Variants in GPC6 observed in about 807,000 individuals in gnomAD.
The protein encoded by GPC6 is glypican 6.
GPC6 carries 14 observed loss-of-function variants against 55.2 expected under a neutral mutation model. The observed-to-expected ratio is 0.25, with a 90% CI of 0.17 to 0.40. GPC6 has a LOEUF of 0.40. Ranked by LOEUF, GPC6 falls within the 10% of genes least tolerant of loss-of-function variation. The pLI is 1.00. For missense variants in GPC6, 641 were observed against 708.5 expected (o/e 0.90, Z 1.08); for synonymous variants, 278 against 259.6 (o/e 1.07, Z -0.68).
chr13:93,846,260 C>T (rs534171771), intron 3 of GPC6, among the ~76,000 whole-genome samples: 1 of 152,242 alleles, frequency 6.6e-6, no homozygotes, highest in African/African-American at 2.4e-5. Flanking sequence ...CAAATGATTA[C>T]TTGCCAGCCA....
chr13:94,218,758 T>C (rs1290459882), intron 4 of GPC6, among the ~76,000 whole-genome samples: 1 of 152,134 alleles, frequency 6.6e-6, no homozygotes, highest in Non-Finnish European at 1.5e-5. Flanking sequence ...TTTACAGCAG[T>C]GGCTCTCAAA....
intron 2 of GPC6, among the ~76,000 whole-genome samples, chr13:93,814,197 T>C (rs905776640): frequency 4.6e-5 from 7 of 152,182 alleles, no homozygotes; most frequent in Non-Finnish European, 8.8e-5. Context: ...TTATTCCTGG[T>C]CCTTCACTTC....
intron 2 of GPC6, among the ~76,000 whole-genome samples, chr13:93,546,370 G>A (rs1361583722): frequency 1.3e-5 from 2 of 152,142 alleles, no homozygotes; most frequent in African/African-American, 4.8e-5. Flanking sequence ...TGTGTAGTAG[G>A]TAAAATGTTC....
chr13:93,980,155 G>A (rs1410462487), intron 3 of GPC6, among the ~76,000 whole-genome samples: 2 of 152,074 alleles, frequency 1.3e-5, no homozygotes, highest in African/African-American at 2.4e-5. Context: ...CAGTCAGCTT[G>A]TGCCTGTACC....
intron 2 of GPC6, among the ~76,000 whole-genome samples, chr13:93,619,290 A>C (rs1382902406): frequency 6.6e-6 from 1 of 152,122 alleles, no homozygotes; most frequent in African/African-American, 2.4e-5. Context: ...ATTTATGAAT[A>C]AGTCAGTCTA....
At position 93,559,195 on chromosome 13, in the gene GPC6, G is replaced by A. The variant is rs552355352; in HGVS notation, c.319+13774G>A. 5.3e-5 allele frequency among the ~76,000 whole-genome samples: 8 copies of A among 152,218 alleles called. No homozygotes were observed. In the East Asian group the frequency reaches 7.7e-4, roughly 15 times the overall value. ...TTAAGTTGATATCTCTCAGAAGGCC[G>A]TGCTGTGTATACCACATCTCAGTAT... On this transcript the variant is annotated intron_variant, in intron 2 of 8. Transcript: ENST00000377047.
chr13:93,480,350 A>T (rs1162637688), intron 1 of GPC6, among the ~76,000 whole-genome samples: 1 of 152,142 alleles, frequency 6.6e-6, no homozygotes, highest in South Asian at 2.1e-4. Flanking sequence ...TCTCTTTTCA[A>T]ACGGTTGAAA....
At chr13:94,244,517 A>G (rs1049913105) in intron 4 of GPC6, among the ~76,000 whole-genome samples, 1 of 152,154 alleles carries the variant, frequency 6.6e-6, no homozygotes, top group Non-Finnish European at 1.5e-5. Flanking sequence ...TAAAATACTA[A>G]CATGTAAAAT....
At chr13:93,863,710 C>G (rs1888880963) in intron 3 of GPC6, among the ~76,000 whole-genome samples, 1 of 151,624 alleles carries the variant, frequency 6.6e-6, no homozygotes, top group South Asian at 2.1e-4. Context: ...AAATTGTCCT[C>G]CCCCTGGTAT....
chr13:93,636,467 C>A (rs1879702175), intron 2 of GPC6, among the ~76,000 whole-genome samples: 1 of 152,152 alleles, frequency 6.6e-6, no homozygotes, highest in East Asian at 1.9e-4. Context: ...CATATCCCTG[C>A]CTGTTACCAT....
intron 4 of GPC6, among the ~76,000 whole-genome samples, chr13:94,091,900 G>GTGTGTT (rs1423688778): frequency 9.7e-5 from 4 of 41,094 alleles, no homozygotes; most frequent in Non-Finnish European, 2.1e-4. Flanking sequence ...AATTCTGTGT[G>GTGTGTT]TGTGTGTTTG....
chr13:93,961,811 T>C (rs1171561888), intron 3 of GPC6, among the ~76,000 whole-genome samples: 1 of 152,124 alleles, frequency 6.6e-6, no homozygotes, highest in Non-Finnish European at 1.5e-5. Flanking sequence ...TCCCCTCCTT[T>C]TTTTTTAACA....
In GPC6 at chr13:94,407,249, A is replaced by G. The variant is rs1881405604; in HGVS notation, c.*4032A>G. The G allele has an allele frequency of 6.6e-6, 1 of 152,130 alleles. No individual in the cohort carries two copies. Among genetic ancestry groups the G allele is most frequent in the African/African-American group, 2.4e-5 (1 of 41,436 alleles). The allele number at this position is 152,130 out of a possible 1,614,324, so 9.4% of individuals were successfully genotyped here. On this transcript the variant is annotated 3_prime_UTR_variant, in exon 9 of 9. Transcript: ENST00000377047. ...AATAGTGAGGTCTCTCTGTGCATAT[A>G]CATAATATATATGCAGGATAAATGT...
At chr13:94,312,200 A>G (rs1457720007) in intron 6 of GPC6, among the ~76,000 whole-genome samples, 3 of 152,266 alleles carry the variant, frequency 2.0e-5, no homozygotes, top group Non-Finnish European at 4.4e-5. Flanking sequence ...TGTTTTGTAT[A>G]TGAATCTTCC....
At chr13:93,261,020 A>G (rs1877127031) in intron 1 of GPC6, among the ~76,000 whole-genome samples, 1 of 152,052 alleles carries the variant, frequency 6.6e-6, no homozygotes, top group Non-Finnish European at 1.5e-5. Context: ...TGATATGCAA[A>G]TTCCTTCACT....
rs1257013992 is a variant in GPC6, at chr13:94,377,830, T to A, written c.1153-4584T>A. The stretch of plus-strand genomic sequence containing the variant: ...AACAATGATAGACTGGATTAAGAAA[T>A]TGTGGCACATATACACCATGGAATA... On this transcript the variant is annotated intron_variant, in intron 6 of 8. Transcript: ENST00000377047. Among the ~76,000 whole-genome samples, 216 of 152,136 alleles carry A rather than the reference T, an allele frequency of 1.4e-3. 1 individual carries two copies. The highest frequency in any genetic ancestry group is 1.9e-3 in the Non-Finnish European group (128 of 67,972).
At chr13:94,079,538 A>G (rs1394950318) in intron 4 of GPC6, among the ~76,000 whole-genome samples, 1 of 152,118 alleles carries the variant, frequency 6.6e-6, no homozygotes, top group Non-Finnish European at 1.5e-5. Context: ...GAGGACAGTT[A>G]TTTCACCCAT....
At chr13:93,571,919 T>G (rs1193417981) in intron 2 of GPC6, among the ~76,000 whole-genome samples, 1 of 152,190 alleles carries the variant, frequency 6.6e-6, no homozygotes, top group East Asian at 1.9e-4. Flanking sequence ...TTGATACTAC[T>G]TTTCAAAAAA....
intron 6 of GPC6, among the ~76,000 whole-genome samples, chr13:94,319,239 T>C (rs1017137491): frequency 3.9e-5 from 6 of 152,194 alleles, no homozygotes; most frequent in South Asian, 2.1e-4. Context: ...TTTTTATTCT[T>C]CTAATAATTA....
Sources: allele counts gnomAD v4.1 joint callset (sites outside exome capture counted in the v4.1 genomes callset), GRCh38; gene constraint gnomAD v4.1.1; transcripts MANE v1.5; gene names NCBI Gene and HGNC (gene_info 2026-07-23, HGNC 2026-07-21).